ZFP90: variants seen among roughly 807,000 people sequenced by gnomAD.
The protein encoded by ZFP90 is ZFP90 zinc finger protein.
In ZFP90, 38 loss-of-function variants were observed where a neutral mutation model predicts 60.8. That is an observed-to-expected ratio of 0.62 (90% CI 0.48 to 0.82). The LOEUF is 0.82. Ranked by LOEUF, ZFP90 falls within the 40% of genes least tolerant of loss-of-function variation. ZFP90 has a pLI of 0.00. For synonymous variants in ZFP90, 287 were observed against 264.8 expected (o/e 1.08, Z -0.82); for missense variants, 711 against 759.1 (o/e 0.94, Z 0.74).
At chr16:68,536,212 T>C (rs930891703), upstream of ZFP90, among the ~76,000 whole-genome samples, 34 of 152,174 alleles carry the variant, frequency 2.2e-4, no homozygotes, top group Non-Finnish European at 1.8e-4. Context: ...GTAGGCTCAA[T>C]GTTTGAGTGC....
intron 2 of ZFP90, among the ~76,000 whole-genome samples, chr16:68,543,210 C>G (rs1401997718): frequency 1.3e-5 from 2 of 152,080 alleles, no homozygotes; most frequent in Non-Finnish European, 2.9e-5. Flanking sequence ...CTGGTGTATT[C>G]AAGGAGCAGC....
At chr16:68,570,153 A>G (rs2091560397), downstream of ZFP90, among the ~76,000 whole-genome samples, 1 of 152,008 alleles carries the variant, frequency 6.6e-6, no homozygotes, top group African/African-American at 2.4e-5. Context: ...TGGAATACTC[A>G]TCTCTAATTC....
At chr16:68,570,670 A>T (rs1195298221), downstream of ZFP90, among the ~76,000 whole-genome samples, 1 of 152,144 alleles carries the variant, frequency 6.6e-6, no homozygotes, top group Non-Finnish European at 1.5e-5. Context: ...GGTTCCCACC[A>T]TTTCTTCTCT....
chr16:68,568,227 A>G (rs2091548891), downstream of ZFP90, among the ~76,000 whole-genome samples: 1 of 152,338 alleles, frequency 6.6e-6, no homozygotes, highest in African/African-American at 2.4e-5. Flanking sequence ...TGCCAGGCAT[A>G]TGGTAGATAC....
chr16:68,548,504 T>TA (rs2091195998), intron 2 of ZFP90, among the ~76,000 whole-genome samples: 2 of 55,688 alleles, frequency 3.6e-5, no homozygotes, highest in African/African-American at 1.5e-4. Context: ...TTTTTTTTTT[T>TA]ATTGAGACGG....
At chr16:68,550,540 TG>T (rs1412278398) in intron 2 of ZFP90, among the ~76,000 whole-genome samples, 1 of 152,238 alleles carries the variant, frequency 6.6e-6, no homozygotes, top group African/African-American at 2.4e-5. Context: ...TGTGAGCCAC[TG>T]CGCCTGGCCC....
At chr16:68,571,285 A>G (rs2091566560), downstream of ZFP90, among the ~76,000 whole-genome samples, 1 of 152,236 alleles carries the variant, frequency 6.6e-6, no homozygotes, top group East Asian at 1.9e-4. Context: ...TAGGTTAGTC[A>G]GAAGTCACAT....
chr16:68,549,420 GT>G (rs1269663549), intron 2 of ZFP90, among the ~76,000 whole-genome samples: 1 of 152,174 alleles, frequency 6.6e-6, no homozygotes, highest in Admixed American at 6.5e-5. Context: ...GCTCATGCCT[GT>G]AATCCCAGCA....
At chr16:68,533,699 G>A (rs2090942117) in exon 2 of ZFP90, 1 of 152,148 alleles carries the variant, frequency 6.6e-6, no homozygotes, top group African/African-American at 2.4e-5. Flanking sequence ...TTGAGACAGA[G>A]TCTTGCTCTG....
chr16:68,556,156 T>A (rs953053528), intron 2 of ZFP90, among the ~76,000 whole-genome samples: 1 of 151,466 alleles, frequency 6.6e-6, no homozygotes, highest in Admixed American at 6.6e-5. Flanking sequence ...GGTGAGAGAG[T>A]GAGATCCTGT....
intron 2 of ZFP90, among the ~76,000 whole-genome samples, chr16:68,540,445 C>A (rs1353330001): frequency 6.6e-6 from 1 of 152,178 alleles, no homozygotes; most frequent in East Asian, 1.9e-4. Flanking sequence ...CGCCAGAAGT[C>A]CAGCCTTCAC....
At position 68,565,874 on chromosome 16, in the gene ZFP90, C is replaced by A; in HGVS notation, c.*1176C>A. 1.0e-6 allele frequency: 1 copy of A among 983,168 alleles called. No homozygotes were observed. Among genetic ancestry groups the A allele is most frequent in the Non-Finnish European group, 1.2e-6 (1 of 828,048 alleles). The allele number at this position is 983,168 out of a possible 1,614,324, so 60.9% of individuals were successfully genotyped here. On this transcript the variant is annotated 3_prime_UTR_variant, in exon 5 of 5. Coordinates refer to ENST00000563169, the MANE Select transcript of ZFP90 (RefSeq NM_001305203.2). ...GTATGGTGTCTCACACCTGTAATCC[C>A]AGCACTTTGGGTGGCTAAGGCAGAT...
intron 4 of ZFP90, among the ~76,000 whole-genome samples, chr16:68,559,743 A>G (rs2091408061): frequency 6.6e-6 from 1 of 151,206 alleles, no homozygotes; most frequent in African/African-American, 2.4e-5. Flanking sequence ...AATTTTTTGT[A>G]TTTTTAGTGA....
At chr16:68,542,648 T>C (rs2091072732) in intron 2 of ZFP90, among the ~76,000 whole-genome samples, 1 of 152,028 alleles carries the variant, frequency 6.6e-6, no homozygotes. Flanking sequence ...ATTTGGTGAA[T>C]CGGGAGTTGG....
At chr16:68,549,837 G>A (rs1205246925) in intron 2 of ZFP90, among the ~76,000 whole-genome samples, 1 of 152,132 alleles carries the variant, frequency 6.6e-6, no homozygotes, top group African/African-American at 2.4e-5. Context: ...GTTCTACAAG[G>A]ATGACTAGGA....
At chr16:68,572,741 A>G (rs1204335496) in intron 2 of ZFP90, among the ~76,000 whole-genome samples, 1 of 152,216 alleles carries the variant, frequency 6.6e-6, no homozygotes, top group Non-Finnish European at 1.5e-5. Flanking sequence ...CCACAGGCCC[A>G]CTTCACAGCT....
At chr16:68,546,127 A>G (rs1234482469) in intron 2 of ZFP90, among the ~76,000 whole-genome samples, 1 of 152,224 alleles carries the variant, frequency 6.6e-6, no homozygotes, top group Non-Finnish European at 1.5e-5. Flanking sequence ...GTGAGCTGAG[A>G]TTGCACCATT....
chr16:68,538,703 T>G (rs1157110544), upstream of ZFP90, among the ~76,000 whole-genome samples: 2 of 65,164 alleles, frequency 3.1e-5, no homozygotes, highest in Admixed American at 1.4e-4. Context: ...CGAAACTGTG[T>G]CTCAAAAAAA....
Position 68,558,112 on chromosome 16 carries a change from C to T in ZFP90, c.148C>T (p.Leu50=), listed in dbSNP as rs1469468060. ...TGTGATGCTGGAGAACTATAGCCAC[C>T]TGGTTTCTCTTGGTAAGGACCACTT... ...RDVMLENYSH[L]VSLGYQVSKP... Residue 50 remains leucine, a synonymous_variant, in exon 3 of 5, where the codon CTG becomes TTG. Coordinates refer to ENST00000563169, the MANE Select transcript of ZFP90 (RefSeq NM_001305203.2). The T allele has an allele frequency of 6.2e-7, 1 of 1,613,554 alleles. No homozygotes were observed. The highest frequency in any genetic ancestry group is 1.3e-5 in the African/African-American group (1 of 74,830).
Sources: allele counts gnomAD v4.1 joint callset (sites outside exome capture counted in the v4.1 genomes callset), GRCh38; gene constraint gnomAD v4.1.1; transcripts MANE v1.5; gene names NCBI Gene and HGNC (gene_info 2026-07-23, HGNC 2026-07-21).